The following MGAM variants were observed in gnomAD, a reference collection of about 807,000 sequenced individuals.
MGAM encodes the protein alpha-1,4-glucosidase.
MGAM carries 253 observed loss-of-function variants against 358.8 expected under a neutral mutation model. That is an observed-to-expected ratio of 0.71 (90% CI 0.64 to 0.78). The LOEUF (loss-of-function observed/expected upper bound fraction) is 0.78, where lower values mean the gene tolerates loss of function less well. MGAM is among the 30% of genes least tolerant of loss of function. The pLI is 0.00. For missense variants in MGAM, 3,080 were observed against 3,432.6 expected (o/e 0.90, Z 2.57); for synonymous variants, 1,105 against 1,227.1 (o/e 0.90, Z 2.08).
At chr7:141,987,414 G>A (rs782578595) in intron 2 of MGAM, among the ~76,000 whole-genome samples, 1 of 152,136 alleles carries the variant, frequency 6.6e-6, no homozygotes, top group Non-Finnish European at 1.5e-5. Context: ...CAGACATAGT[G>A]CTCACTCAGT....
upstream of MGAM, among the ~76,000 whole-genome samples, chr7:141,992,161 T>C (rs556410235): frequency 6.6e-6 from 1 of 152,312 alleles, no homozygotes; most frequent in African/African-American, 2.4e-5. Flanking sequence ...TAACTGACAC[T>C]TACTGAGTAT....
intron 27 of MGAM, among the ~76,000 whole-genome samples, 192 bp from the exon 28 acceptor site, chr7:142,055,366 G>A (rs1308659030): frequency 2.0e-5 from 3 of 152,144 alleles, no homozygotes; most frequent in Non-Finnish European, 4.4e-5. Flanking sequence ...GGAAACGGAA[G>A]AATGATGAAT....
At chr7:142,020,781 A>G (rs1806378935) in intron 4 of MGAM, among the ~76,000 whole-genome samples, 193 bp from the exon 5 acceptor site, 1 of 151,902 alleles carries the variant, frequency 6.6e-6, no homozygotes, top group African/African-American at 2.4e-5. Flanking sequence ...TTTAGTAGAG[A>G]TGGGGTTTCA....
At chr7:142,044,031 T>A in intron 21 of MGAM, among the ~76,000 whole-genome samples, 1 of 135,422 alleles carries the variant, frequency 7.4e-6, no homozygotes, top group African/African-American at 2.8e-5. Context: ...TATATACACA[T>A]ACGACGTATA....
Position 142,099,637 on chromosome 7 carries a change from G to A in MGAM, c.7774G>A (p.Glu2592Lys). 5.0e-6 allele frequency: 8 copies of A among 1,613,932 alleles called. No homozygotes were observed. Among genetic ancestry groups the A allele is most frequent in the Middle Eastern group, 1.6e-4 (1 of 6,062 alleles). Residue 2592 changes from glutamate to lysine, a missense_variant, in exon 67 of 71, where the codon GAG becomes AAG. Around this residue, in one of 5 missense-constraint regions of MGAM, gnomAD observed 932 missense variants for 1,198.2 expected, o/e 0.78. Transcript: ENST00000475668. ...YTGVDINARG[E>K]WKTLPAPLDH... ...GGGTGTGGATATTAATGCAAGAGGAGAGTGGAAGACCTTGCCAGCCCCTCT... is the reference window on the plus strand; with the variant it reads ...GGGTGTGGATATTAATGCAAGAGGAAAGTGGAAGACCTTGCCAGCCCCTCT...
chr7:142,090,220 A>G (rs1815238332), intron 57 of MGAM, among the ~76,000 whole-genome samples: 1 of 146,008 alleles, frequency 6.8e-6, no homozygotes, highest in African/African-American at 2.4e-5. Flanking sequence ...ATTTTTATGA[A>G]GTTGGAAGGG....
intron 66 of MGAM, 31 bp from the exon 67 acceptor site, chr7:142,099,582 T>G: frequency 6.2e-7 from 1 of 1,613,722 alleles, no homozygotes; most frequent in African/African-American, 1.3e-5. Flanking sequence ...TGTCCTCTCC[T>G]TAGTCATCTC....
rs1392897362 is a variant in MGAM at position 142,074,850 on chromosome 7, G to A, written c.5275+677G>A. On this transcript the variant is annotated intron_variant, in intron 45 of 70. Transcript: ENST00000475668. ...AAGATTGAATATATTTAAGGTGGAC[G>A]ATGTGAGGATTTAATATATGTAGGC... 2.7e-5 allele frequency among the ~76,000 whole-genome samples: 4 copies of A among 146,324 alleles called. 1 individual carries two copies. The highest frequency in any genetic ancestry group is 6.2e-5 in the Non-Finnish European group (4 of 64,624).
At position 142,050,749 on chromosome 7, in the gene MGAM, T is replaced by C. The variant is rs766895812; in HGVS notation, c.2690T>C (p.Leu897Ser). The C allele has an allele frequency of 1.9e-6, 3 of 1,613,720 alleles. No individual in the cohort carries two copies. Among genetic ancestry groups the C allele is most frequent in the Non-Finnish European group, 1.7e-6 (2 of 1,179,802 alleles). ...TCAACCTACAAGGACCCCAATAATT[T>C]AGCATTTAATGAGATTAAAATTCTT... Reference protein sequence around the residue: ...SQSTYKDPNNLAFNEIKILGT... With the variant: ...SQSTYKDPNNSAFNEIKILGT... Residue 897 changes from leucine (L) to serine (S), a missense_variant, in exon 24 of 71, where the codon TTA (leucine) becomes TCA (serine). Coordinates refer to ENST00000475668, the MANE Select transcript of MGAM (RefSeq NM_001365693.1).
Position 142,056,076 on chromosome 7 carries a change from T to A in MGAM, c.3560T>A (p.Leu1187Gln). The change falls in exon 29 of 71, where the codon CTG becomes CAG. Residue 1187 changes from leucine (L) to glutamine (Q), a missense_variant. Around this residue, in one of 5 missense-constraint regions of MGAM, gnomAD observed 1,816 missense variants for 1,840.5 expected, o/e 0.99. Transcript: ENST00000475668. ...EEDGSAHGVL[L>Q]LNSNAMDVTF... ...GACGGCAGTGCCCATGGAGTGCTCC[T>A]GCTGAACAGCAATGCCATGGGTAAG... The A allele has an allele frequency of 6.2e-7, 1 of 1,609,076 alleles. No individual in the cohort carries two copies. The highest frequency in any genetic ancestry group is 8.5e-7 in the Non-Finnish European group (1 of 1,177,824).
intron 26 of MGAM, 35 bp downstream of exon 26, chr7:142,053,019 C>A: frequency 1.2e-6 from 2 of 1,601,126 alleles, no homozygotes; most frequent in Middle Eastern, 3.3e-4. Flanking sequence ...AGTGATTAGA[C>A]CCTTTTCAGT....
Position 142,091,869 on chromosome 7 carries a change from T to A in MGAM, c.6811-44T>A, listed in dbSNP as rs547200082. The A allele has an allele frequency of 2.7e-5, 37 of 1,385,112 alleles. 2 individuals carry two copies. In the South Asian group the frequency reaches 4.9e-4, roughly 18 times the overall value. The allele number at this position is 1,385,112 out of a possible 1,614,324, so 85.8% of individuals were successfully genotyped here. A position where few individuals can be genotyped will look rare whatever the true frequency, so the allele number is the denominator to read the frequency against. ...CTCAGTAAGTGCCTGTTTGCTGTCT[T>A]CTATATTTGTGTGGGACAAAGAAAT... is the stretch of plus-strand genomic sequence containing the variant. On this transcript the variant is annotated intron_variant, in intron 57 of 70. Transcript: ENST00000475668.
At position 142,072,350 on chromosome 7, in the gene MGAM, C is replaced by T. The variant is rs1563196138; in HGVS notation, c.5186+1232C>T. On this transcript the variant is annotated intron_variant, in intron 44 of 70. Coordinates refer to ENST00000475668, the MANE Select transcript of MGAM (RefSeq NM_001365693.1). ...GAATTTATCCTTTCCAACATCTGTG[C>T]CTGGTGTATTCTTAATGATCCAAAT... 1.4e-5 allele frequency among the ~76,000 whole-genome samples: 2 copies of T among 146,066 alleles called. 1 individual carries two copies. Among genetic ancestry groups the T allele is most frequent in the Non-Finnish European group, 3.1e-5 (2 of 64,540 alleles).
Position 142,065,621 on chromosome 7 carries a change from A to G in MGAM, c.4652A>G (p.Tyr1551Cys), listed in dbSNP as rs141258770. 33 of 1,613,448 alleles carry G rather than the reference A, an allele frequency of 2.0e-5. No individual in the cohort carries two copies. Among genetic ancestry groups the G allele is most frequent in the African/African-American group, 1.5e-4 (11 of 74,912 alleles). Reference protein sequence around the residue: ...MMEFSLFGISYTGADICGFFQ... With the variant: ...MMEFSLFGISCTGADICGFFQ... ...GAGTTCAGCCTCTTTGGCATATCCT[A>G]TGTGAGTGTCCTTGGGATCCTCCTA... Residue 1551 changes from tyrosine to cysteine, a missense_variant and splice_region_variant, in exon 39 of 71, where the codon TAT becomes TGT. Physicochemically the swap from Tyr to Cys is radical, Grantham distance 194. Transcript: ENST00000475668.
At chr7:142,060,444 G>A in intron 34 of MGAM, 71 bp downstream of exon 34, 5 of 1,545,696 alleles carry the variant, frequency 3.2e-6, no homozygotes, top group Non-Finnish European at 4.5e-6. Context: ...TGGGATTGTG[G>A]ACATGCCTGT....
intron 3 of MGAM, among the ~76,000 whole-genome samples, chr7:142,013,077 G>A (rs1805716949): frequency 6.6e-6 from 1 of 152,134 alleles, no homozygotes; most frequent in South Asian, 2.1e-4. Context: ...GACACAAAGT[G>A]TGTTAAGAGA....
At chr7:142,014,725 C>A (rs568564531) in intron 3 of MGAM, among the ~76,000 whole-genome samples, 3 of 152,098 alleles carry the variant, frequency 2.0e-5, no homozygotes, top group South Asian at 2.1e-4. Flanking sequence ...AGCCTATAAA[C>A]AAAATGCATT....
intron 4 of MGAM, among the ~76,000 whole-genome samples, chr7:142,020,294 AT>A (rs535887877): frequency 2.6e-4 from 39 of 152,252 alleles, no homozygotes; most frequent in African/African-American, 9.1e-4. Flanking sequence ...GTAATGCAAT[AT>A]GAAAATAACT....
chr7:142,097,578 T>A lies in MGAM; in HGVS notation c.7693-15T>A, dbSNP rs769152166. On this transcript the variant is annotated splice_polypyrimidine_tract_variant and intron_variant, in intron 65 of 70. Transcript: ENST00000475668. Reference sequence around the variant, plus strand: ...AATGGTGCCACTGCCACACCTTGTTTATGTTTCATTTTAGAATGCCAGAAA... The same window carrying A: ...AATGGTGCCACTGCCACACCTTGTTAATGTTTCATTTTAGAATGCCAGAAA... 7 of 1,610,644 alleles carry A rather than the reference T, an allele frequency of 4.3e-6. No individual in the cohort carries two copies. In the South Asian group the frequency reaches 6.6e-5, roughly 15 times the overall value.
Sources: gnomAD v4.1 joint callset for allele counts (sites outside exome capture counted in the v4.1 genomes callset) on GRCh38, gnomAD v4.1.1 for gene constraint, gnomAD v4.1.1 regional missense constraint, MANE v1.5 for transcripts, NCBI Gene and HGNC (gene_info 2026-07-23, HGNC 2026-07-21) for gene names.